XYLB: variants seen among roughly 807,000 people sequenced by gnomAD.
The protein encoded by XYLB is xylulokinase, also known as xylulose kinase.
In XYLB, 62 loss-of-function variants were observed where a neutral mutation model predicts 78.7. The ratio of observed to expected loss-of-function variants is 0.79; its 90% CI spans 0.64 to 0.97. The LOEUF (loss-of-function observed/expected upper bound fraction) is 0.97, where lower values mean the gene tolerates loss of function less well. Among genes scored for constraint, XYLB ranks in the 50% least tolerant of loss-of-function variants. The pLI, the probability that XYLB is intolerant of heterozygous loss-of-function variation, is 0.00. For missense variants in XYLB, 687 were observed against 676.8 expected (o/e 1.02, Z -0.17); for synonymous variants, 245 against 247.4 (o/e 0.99, Z 0.09).
At chr3:38,387,238 A>T (rs576590156) in intron 15 of XYLB, among the ~76,000 whole-genome samples, 1 of 149,312 alleles carries the variant, frequency 6.7e-6, no homozygotes, top group South Asian at 2.1e-4. Context: ...ATTTTTCCCT[A>T]TTCCCTCTTT....
intron 12 of XYLB, among the ~76,000 whole-genome samples, chr3:38,375,640 A>T (rs1221676247): frequency 1.3e-5 from 2 of 152,076 alleles, no homozygotes; most frequent in Non-Finnish European, 2.9e-5. Flanking sequence ...CCCTCAGCAA[A>T]TGGCGGGAAG....
intron 17 of XYLB, among the ~76,000 whole-genome samples, chr3:38,399,850 A>G (rs1708048840): frequency 1.3e-5 from 2 of 152,126 alleles, no homozygotes; most frequent in Admixed American, 1.3e-4. Context: ...CTTCATTTGG[A>G]GATATCTTCT....
chr3:38,382,357 C>CG (rs1707188528), intron 15 of XYLB, among the ~76,000 whole-genome samples: 1 of 152,060 alleles, frequency 6.6e-6, no homozygotes, highest in Admixed American at 6.6e-5. Context: ...TGTTGGAAGT[C>CG]GGGATAATTA....
intron 17 of XYLB, among the ~76,000 whole-genome samples, chr3:38,398,747 G>A (rs1467032321): frequency 4.0e-5 from 6 of 150,086 alleles, no homozygotes; most frequent in African/African-American, 7.4e-5. Context: ...CATTTCGGTT[G>A]GGTGCAGTAG....
chr3:38,450,622 T>A, the XYLB span, among the ~76,000 whole-genome samples: 1 of 152,228 alleles, frequency 6.6e-6, no homozygotes, highest in Admixed American at 6.5e-5. Context: ...TATTTAGCAA[T>A]CTTGTAGTCG....
chr3:38,358,947 C>T (rs1473135542), intron 2 of XYLB, among the ~76,000 whole-genome samples: 1 of 152,234 alleles, frequency 6.6e-6, no homozygotes, highest in Non-Finnish European at 1.5e-5. Context: ...CCCAAAAGAT[C>T]GCTTTTTTCC....
At chr3:38,440,457 A>G in the XYLB span, among the ~76,000 whole-genome samples, 1 of 152,210 alleles carries the variant, frequency 6.6e-6, no homozygotes, top group African/African-American at 2.4e-5. Flanking sequence ...CTTATCACTT[A>G]CTGAATACCC....
At chr3:38,358,912 A>C (rs1705821403) in intron 2 of XYLB, among the ~76,000 whole-genome samples, 1 of 152,246 alleles carries the variant, frequency 6.6e-6, no homozygotes. Context: ...CACCACAATC[A>C]AGATACAGAA....
the XYLB span, among the ~76,000 whole-genome samples, chr3:38,428,539 T>G: frequency 2.0e-5 from 3 of 152,244 alleles, no homozygotes; most frequent in Non-Finnish European, 4.4e-5. Context: ...TATATCTTCA[T>G]GATGATTTGA....
chr3:38,354,965 A>G (rs192012504), intron 2 of XYLB, among the ~76,000 whole-genome samples: 92 of 152,354 alleles, frequency 6.0e-4, no homozygotes, highest in South Asian at 2.1e-4. Context: ...TATGTTTAAC[A>G]TACAGCTTTT....
chr3:38,408,069 A>T (rs1248480386), intron 18 of XYLB, among the ~76,000 whole-genome samples: 1 of 151,468 alleles, frequency 6.6e-6, no homozygotes, highest in Non-Finnish European at 1.5e-5. Flanking sequence ...ACCCCAAATC[A>T]ACAGAATATA....
At position 38,366,812 on chromosome 3, in the gene XYLB, T is replaced by A; in HGVS notation, c.512T>A (p.Phe171Tyr). The A allele has an allele frequency of 2.5e-6, 4 of 1,611,994 alleles. No individual in the cohort carries two copies. The highest frequency in any genetic ancestry group is 3.4e-6 in the Non-Finnish European group (4 of 1,178,082). Reference protein sequence around the residue: ...CLTGSRAYERFTGNQIAKIYQ... With the variant: ...CLTGSRAYERYTGNQIAKIYQ... ...GAATTTATATTCCTTTTCCAGCGTT[T>A]TACAGGGAACCAAATTGCAAAAATT... is the stretch of plus-strand genomic sequence containing the variant. Residue 171 changes from phenylalanine (F) to tyrosine (Y), a missense_variant, in exon 7 of 19, where the codon TTT (phenylalanine) becomes TAT (tyrosine). By Grantham distance (22) the Phe-to-Tyr change is conservative. Transcript: ENST00000207870.
At chr3:38,373,437 CCTT>C (rs1706680233) in intron 10 of XYLB, among the ~76,000 whole-genome samples, 1 of 152,190 alleles carries the variant, frequency 6.6e-6, no homozygotes, top group African/African-American at 2.4e-5. Flanking sequence ...TAATTTCTGT[CCTT>C]TCAGTCTTCT....
In XYLB at chr3:38,375,186, G is replaced by A. The variant is rs769544763; in HGVS notation, c.931G>A (p.Glu311Lys). The A allele has an allele frequency of 1.7e-5, 28 of 1,614,080 alleles. No homozygotes were observed. The Admixed American group carries it at 4.5e-4, about 26-fold the overall frequency. ...TSDTLFLWLQEPMPALEGHIF... is the reference protein window; with the variant it reads ...TSDTLFLWLQKPMPALEGHIF... ...TGACACCCTGTTTCTCTGGCTCCAAGAGCCCATGCCTGCCCTGGAAGGCCA... is the reference window on the plus strand; with the variant it reads ...TGACACCCTGTTTCTCTGGCTCCAAAAGCCCATGCCTGCCCTGGAAGGCCA... Residue 311 changes from glutamate to lysine, a missense_variant, in exon 12 of 19, where the codon GAG becomes AAG. Glu to Lys is a moderately conservative substitution (Grantham distance 56). Transcript: ENST00000207870.
At chr3:38,422,644 G>A (rs115279775), downstream of XYLB, among the ~76,000 whole-genome samples, 30 of 152,174 alleles carry the variant, frequency 2.0e-4, no homozygotes, top group African/African-American at 7.0e-4. Context: ...AACAATCTGG[G>A]ACTATTCAGC....
intron 17 of XYLB, among the ~76,000 whole-genome samples, chr3:38,398,641 TCTGC>T (rs544081780): frequency 0.035 from 5,184 of 149,472 alleles, 112 homozygotes; most frequent in African/African-American, 0.058. Flanking sequence ...TACCTATGAG[TCTGC>T]CTGCCTGCCT....
intron 18 of XYLB, among the ~76,000 whole-genome samples, chr3:38,412,115 C>T (rs188419077): frequency 5.9e-5 from 9 of 151,916 alleles, no homozygotes; most frequent in African/African-American, 9.7e-5. Context: ...CTCAGCCTCT[C>T]GAGTAGTTGG....
intron 15 of XYLB, 149 bp from the exon 16 acceptor site, chr3:38,395,356 A>G (rs1707825153): frequency 2.8e-6 from 2 of 712,390 alleles, no homozygotes; most frequent in Non-Finnish European, 4.9e-6. Context: ...ACACAGAGCC[A>G]GCTTTGGATC....
rs1237113284 is a variant in XYLB at position 38,375,179 on chromosome 3, G to A, written c.924G>A (p.Trp308Ter). Residue 308 changes from tryptophan (W) to a stop codon, truncating the protein, a stop_gained, in exon 12 of 19, where the codon TGG becomes TGA. Transcript: ENST00000207870. LOFTEE classifies it high-confidence loss of function. The stretch of plus-strand genomic sequence containing the variant: ...GCACCAGTGACACCCTGTTTCTCTG[G>A]CTCCAAGAGCCCATGCCTGCCCTGG... Reference protein sequence around the residue: ...SLGTSDTLFLWLQEPMPALEG... With the variant: ...SLGTSDTLFL The A allele has an allele frequency of 1.2e-6, 2 of 1,614,004 alleles. No homozygotes were observed. Among genetic ancestry groups the A allele is most frequent in the African/African-American group, 2.7e-5 (2 of 74,924 alleles).
Sources: gnomAD v4.1 joint callset for allele counts (sites outside exome capture counted in the v4.1 genomes callset) on GRCh38, gnomAD v4.1.1 for gene constraint, MANE v1.5 for transcripts, NCBI Gene and HGNC (gene_info 2026-07-23, HGNC 2026-07-21) for gene names.